Variants in ARHGAP6 observed in about 807,000 individuals in gnomAD.
The protein encoded by ARHGAP6 is Rho GTPase activating protein 6.
ARHGAP6 carries 16 observed loss-of-function variants against 55.7 expected under a neutral mutation model. The observed-to-expected ratio is 0.29, with a 90% CI of 0.19 to 0.44. The LOEUF (loss-of-function observed/expected upper bound fraction) is 0.44. Among genes scored for constraint, ARHGAP6 ranks in the 20% least tolerant of loss-of-function variants. The pLI, the probability that ARHGAP6 is intolerant of heterozygous loss-of-function variation, is 1.00. For missense variants in ARHGAP6, 698 were observed against 808.9 expected, an observed-to-expected ratio of 0.86 and a Z score of 1.66; for synonymous variants, 382 against 360.9, an observed-to-expected ratio of 1.06 and a Z score of -0.66.
At chrX:11,641,294 A>C (rs1255566957) in intron 1 of ARHGAP6, among the ~76,000 whole-genome samples, 2 of 111,654 alleles carry the variant, frequency 1.8e-5, no homozygotes, top group Admixed American at 1.9e-4. Context: ...GAATGGAGAG[A>C]GCAAAATTCT....
At chrX:11,541,117 G>T (rs1378765241) in intron 1 of ARHGAP6, among the ~76,000 whole-genome samples, 1 of 112,259 alleles carries the variant, frequency 8.9e-6, no homozygotes, top group Non-Finnish European at 1.9e-5. Context: ...AAAACAGCTT[G>T]TTACACACAG....
chrX:11,146,480 T>G lies in ARHGAP6; in HGVS notation c.1908-2232A>C, dbSNP rs147791506. ...TCCAATGAGAGACGATGTCTTCTTTTCACAGTTTCCCCACCCCCCAGTGTA... is the reference window on the plus strand; with the variant it reads ...TCCAATGAGAGACGATGTCTTCTTTGCACAGTTTCCCCACCCCCCAGTGTA... On this transcript the variant is annotated intron_variant, in intron 10 of 12. Coordinates refer to ENST00000337414, the MANE Select transcript of ARHGAP6 (RefSeq NM_013427.3). Among the ~76,000 whole-genome samples, 957 of 112,438 alleles carry G rather than the reference T, an allele frequency of 8.5e-3. 11 individuals carry two copies. The highest frequency in any genetic ancestry group is 0.029 in the African/African-American group (896 of 30,916).
intron 2 of ARHGAP6, among the ~76,000 whole-genome samples, chrX:11,229,927 T>C (rs1403428338): frequency 8.9e-6 from 1 of 112,293 alleles, no homozygotes; most frequent in Non-Finnish European, 1.9e-5. Context: ...TGAATCCTTA[T>C]GGGGAGCATT....
chrX:11,590,819 A>G (rs1160607244), intron 1 of ARHGAP6, among the ~76,000 whole-genome samples: 1 of 52,444 alleles, frequency 1.9e-5, no homozygotes, highest in East Asian at 5.6e-4. Flanking sequence ...AAGAAAAGAA[A>G]AGAAAAGAAA....
intron 1 of ARHGAP6, among the ~76,000 whole-genome samples, chrX:11,589,044 A>AT (rs200264647): frequency 0.32 from 31,192 of 96,453 alleles, 4,702 homozygotes; most frequent in African/African-American, 0.49. Context: ...CTGCATTGGA[A>AT]TTTTTTTTTT....
chrX:11,178,483 T>TAA (rs76166465), intron 7 of ARHGAP6, among the ~76,000 whole-genome samples: 9 of 96,858 alleles, frequency 9.3e-5, no homozygotes, highest in Non-Finnish European at 1.5e-4. Context: ...GTAATCCAGG[T>TAA]AAAAAAAAAA....
intron 1 of ARHGAP6, among the ~76,000 whole-genome samples, chrX:11,413,791 C>T (rs1449763977): frequency 1.8e-5 from 2 of 112,094 alleles, no homozygotes; most frequent in Admixed American, 1.9e-4. Context: ...GAAACATATA[C>T]TATTTTTAAC....
At chrX:11,241,528 ATACGTGTGTGTG>A (rs2147460490) in intron 2 of ARHGAP6, among the ~76,000 whole-genome samples, 1 of 90,383 alleles carries the variant, frequency 1.1e-5, no homozygotes, top group South Asian at 6.0e-4. Context: ...GCAATGCTGG[ATACGTGTGTGTG>A]TGTGTGTGTG....
intron 1 of ARHGAP6, among the ~76,000 whole-genome samples, chrX:11,415,268 G>A (rs192155571): frequency 9.0e-5 from 10 of 111,698 alleles, no homozygotes; most frequent in Admixed American, 8.6e-4. Flanking sequence ...TCGCAATTCT[G>A]TTTAAATGTT....
chrX:11,364,880 C>A (rs2049055920), intron 1 of ARHGAP6, among the ~76,000 whole-genome samples: 1 of 110,676 alleles, frequency 9.0e-6, no homozygotes, highest in Non-Finnish European at 1.9e-5. Flanking sequence ...TCAGGTCCGG[C>A]ACTGCTGCTA....
chrX:11,329,768 A>G (rs185190338), intron 1 of ARHGAP6, among the ~76,000 whole-genome samples: 106 of 112,491 alleles, frequency 9.4e-4, no homozygotes, highest in African/African-American at 3.3e-3. Flanking sequence ...ATGTACTTAC[A>G]CAAACCTACT....
chrX:11,140,400 A>G (rs1430074982), intron 12 of ARHGAP6, among the ~76,000 whole-genome samples: 1 of 92,450 alleles, frequency 1.1e-5, no homozygotes, highest in Non-Finnish European at 2.1e-5. Flanking sequence ...CCTGGGTGAC[A>G]GAGTGAGACT....
chrX:11,604,829 C>A (rs1198530118), intron 1 of ARHGAP6, among the ~76,000 whole-genome samples: 3 of 112,021 alleles, frequency 2.7e-5, no homozygotes, highest in Non-Finnish European at 5.6e-5. Flanking sequence ...CTGTGGTGGC[C>A]CTTCAGAGGC....
intron 1 of ARHGAP6, among the ~76,000 whole-genome samples, chrX:11,472,909 G>A (rs1341533939): frequency 1.8e-5 from 2 of 110,567 alleles, no homozygotes; most frequent in African/African-American, 6.6e-5. Flanking sequence ...CTCCAACTAG[G>A]CCAGATGTGC....
intron 1 of ARHGAP6, among the ~76,000 whole-genome samples, chrX:11,500,489 C>T (rs1013738793): frequency 9.2e-5 from 10 of 108,515 alleles, no homozygotes; most frequent in East Asian, 2.9e-4. Flanking sequence ...GGTGAAACCC[C>T]GTCTCTGCTA....
intron 1 of ARHGAP6, among the ~76,000 whole-genome samples, chrX:11,285,171 T>TTG (rs2047905708): frequency 9.2e-6 from 1 of 108,497 alleles, no homozygotes; most frequent in South Asian, 4.0e-4. Context: ...ATTGTTTTTT[T>TTG]TTTTTTTTTC....
rs199810038 is a variant in ARHGAP6, at chrX:11,647,373, T to C, written c.588+16868A>G. ...GACAGGGGAATGACAAGGAGTATTT[T>C]CATCTTGGATTTCTCTTAGCCTCCC... On this transcript the variant is annotated intron_variant, in intron 1 of 12. Coordinates refer to ENST00000337414, the MANE Select transcript of ARHGAP6 (RefSeq NM_013427.3). Among the ~76,000 whole-genome samples the C allele has an allele frequency of 5.3e-5, 6 of 112,411 alleles. No individual in the cohort carries two copies. The East Asian group carries it at 1.7e-3, about 31-fold the overall frequency.
chrX:11,245,943 G>A (rs764521082), intron 2 of ARHGAP6, among the ~76,000 whole-genome samples: 1 of 111,851 alleles, frequency 8.9e-6, no homozygotes, highest in Non-Finnish European at 1.9e-5. Context: ...CATATAAAAT[G>A]GCTTTGATAG....
intron 4 of ARHGAP6, among the ~76,000 whole-genome samples, chrX:11,188,285 G>A (rs1245305308): frequency 8.9e-6 from 1 of 111,961 alleles, no homozygotes; most frequent in East Asian, 2.8e-4. Context: ...ATGCTCCATT[G>A]ATAAAGAAAA....
Sources: gnomAD v4.1 joint callset for allele counts (sites outside exome capture counted in the v4.1 genomes callset) on GRCh38, gnomAD v4.1.1 for gene constraint, MANE v1.5 for transcripts, NCBI Gene and HGNC (gene_info 2026-07-23, HGNC 2026-07-21) for gene names.